The following STK32A variants were observed in gnomAD, a reference collection of about 807,000 sequenced individuals.
STK32A encodes serine/threonine-protein kinase 32A.
Under a neutral mutation model 53.2 loss-of-function variants are expected in STK32A, and 41 were observed. That is an observed-to-expected ratio of 0.77 (90% CI 0.60 to 1.00). The LOEUF (loss-of-function observed/expected upper bound fraction) is 1.00, where lower values mean the gene tolerates loss of function less well. Among genes scored for constraint, STK32A ranks in the 50% least tolerant of loss-of-function variants. STK32A has a pLI of 0.00. For missense variants in STK32A, 458 were observed against 485.8 expected (o/e 0.94, Z 0.54); for synonymous variants, 166 against 162.8 (o/e 1.02, Z -0.15).
rs966692061 is a variant in STK32A at position 147,283,924 on chromosome 5, A to G, written c.260+4526A>G. Among the ~76,000 whole-genome samples, 5 of 152,116 alleles carry G rather than the reference A, an allele frequency of 3.3e-5. 1 individual carries two copies. The highest frequency in any genetic ancestry group is 1.5e-5 in the Non-Finnish European group (1 of 67,968). ...GGAAACCTCCCTAATTCATCCTATG[A>G]AGCCAGCATCACCCTAATACCAAAA... On this transcript the variant is annotated intron_variant, in intron 4 of 12. Transcript: ENST00000397936.
intron 11 of STK32A, among the ~76,000 whole-genome samples, chr5:147,376,080 G>T (rs1190233127): frequency 6.6e-6 from 1 of 152,100 alleles, no homozygotes; most frequent in Non-Finnish European, 1.5e-5. Context: ...TATACTCAGT[G>T]CTGTCCCTTT....
intron 2 of STK32A, chr5:147,240,173 G>A (rs945563300): frequency 1.3e-5 from 2 of 152,462 alleles, no homozygotes; most frequent in African/African-American, 4.8e-5. Flanking sequence ...CAGTTGTATT[G>A]GAGAAAAGGG....
intron 4 of STK32A, among the ~76,000 whole-genome samples, chr5:147,299,309 A>G: frequency 6.6e-6 from 1 of 152,086 alleles, no homozygotes; most frequent in East Asian, 1.9e-4. Flanking sequence ...GAGGACGACC[A>G]GAGATCACTC....
chr5:147,271,916 A>G (rs1459646361), intron 2 of STK32A, among the ~76,000 whole-genome samples: 1 of 151,934 alleles, frequency 6.6e-6, no homozygotes, highest in East Asian at 1.9e-4. Flanking sequence ...TTGTGATTCT[A>G]TTACTTTGTG....
At chr5:147,346,735 G>A (rs1262392725) in intron 6 of STK32A, among the ~76,000 whole-genome samples, 1 of 152,094 alleles carries the variant, frequency 6.6e-6, no homozygotes, top group African/African-American at 2.4e-5. Flanking sequence ...CAATACCATA[G>A]TGTCTAAAAT....
At chr5:147,360,492 A>AAAG (rs1229781885) in intron 7 of STK32A, among the ~76,000 whole-genome samples, 1 of 151,084 alleles carries the variant, frequency 6.6e-6, no homozygotes, top group African/African-American at 2.4e-5. Context: ...AGAAAGAAAG[A>AAAG]AAGAAAAAAA....
chr5:147,288,688 C>T (rs919189862), intron 4 of STK32A, among the ~76,000 whole-genome samples: 8 of 152,044 alleles, frequency 5.3e-5, no homozygotes, highest in Admixed American at 4.6e-4. Flanking sequence ...ACCTCTATCA[C>T]GAGAACAGCA....
intron 2 of STK32A, among the ~76,000 whole-genome samples, chr5:147,253,502 A>G (rs1754091208): frequency 6.6e-6 from 1 of 152,110 alleles, no homozygotes; most frequent in Non-Finnish European, 1.5e-5. Flanking sequence ...TTCTGTACGC[A>G]CTACCACGCC....
At chr5:147,278,203 A>G in intron 3 of STK32A, 24 bp downstream of exon 3, 1 of 1,578,494 alleles carries the variant, frequency 6.3e-7, no homozygotes, top group Non-Finnish European at 8.6e-7. Context: ...GAAATGATTA[A>G]CCACCAGCAG....
At chr5:147,395,610 G>A in the STK32A span, 4 of 1,613,874 alleles carry the variant, frequency 2.5e-6, no homozygotes, top group Non-Finnish European at 3.4e-6. Flanking sequence ...GGGTTCGGCC[G>A]AGTAGGAGAG....
At chr5:147,314,498 CAAAAAAAACAAAAAAAAACA>C (rs749535869) in intron 4 of STK32A, among the ~76,000 whole-genome samples, 1 of 10,622 alleles carries the variant, frequency 9.4e-5, no homozygotes, top group East Asian at 1.4e-3. Context: ...AACTCCATAT[CAAAAAAAACAAAAAAAAACA>C]AAAAAAAACA....
chr5:147,277,872 T>C (rs13164710), intron 2 of STK32A, among the ~76,000 whole-genome samples: 8,796 of 152,270 alleles, frequency 0.058, 340 homozygotes, highest in Non-Finnish European at 0.089. Flanking sequence ...GGGCCCTCAC[T>C]TGACTACAGA....
At chr5:147,237,390 C>T (rs990515179) in intron 1 of STK32A, among the ~76,000 whole-genome samples, 3 of 152,128 alleles carry the variant, frequency 2.0e-5, no homozygotes, top group African/African-American at 2.4e-5. Flanking sequence ...CTTACACTAT[C>T]CCTCATTTGG....
At chr5:147,357,773 G>A (rs566340995) in intron 7 of STK32A, among the ~76,000 whole-genome samples, 1 of 152,092 alleles carries the variant, frequency 6.6e-6, no homozygotes, top group South Asian at 2.1e-4. Flanking sequence ...TGACTGAACG[G>A]ATGTGGCAAG....
At chr5:147,332,619 C>T (rs140093593) in intron 5 of STK32A, among the ~76,000 whole-genome samples, 25 of 152,048 alleles carry the variant, frequency 1.6e-4, no homozygotes, top group African/African-American at 5.8e-4. Context: ...AAGAAAATGC[C>T]CTTTCTTTTT....
At chr5:147,330,105 C>G (rs1294967839) in intron 5 of STK32A, among the ~76,000 whole-genome samples, 1 of 152,160 alleles carries the variant, frequency 6.6e-6, no homozygotes, top group African/African-American at 2.4e-5. Context: ...CTCGCAGTTT[C>G]TTTGGGACAG....
rs1282443811 is a variant in STK32A, at chr5:147,383,977, C to G, written c.1185C>G (p.Asn395Lys). ...AAGGTGAGGATGGTCAGAATAACAACTTGTAAAGGCCTCATGTCTTCTTCT... is the reference window on the plus strand; with the variant it reads ...AAGGTGAGGATGGTCAGAATAACAAGTTGTAAAGGCCTCATGTCTTCTTCT... ...DPQGEDGQNNNL is the reference protein window; with the variant it reads ...DPQGEDGQNNKL The change falls in exon 13 of 13, where the codon AAC (asparagine) becomes AAG (lysine). Residue 395 changes from asparagine (N) to lysine (K), a missense_variant. Physicochemically the swap from Asn to Lys is moderately conservative, Grantham distance 94. Transcript: ENST00000397936. 3 of 1,601,978 alleles carry G rather than the reference C, an allele frequency of 1.9e-6. No individual in the cohort carries two copies. Among genetic ancestry groups the G allele is most frequent in the Non-Finnish European group, 2.6e-6 (3 of 1,176,030 alleles).
chr5:147,378,524 T>C (rs546308218), intron 11 of STK32A, among the ~76,000 whole-genome samples: 1 of 152,208 alleles, frequency 6.6e-6, no homozygotes, highest in South Asian at 2.1e-4. Flanking sequence ...ACATACACCA[T>C]ATCAGTATCA....
intron 4 of STK32A, among the ~76,000 whole-genome samples, chr5:147,307,659 A>G (rs1364168985): frequency 6.7e-6 from 1 of 149,394 alleles, no homozygotes; most frequent in Non-Finnish European, 1.5e-5. Flanking sequence ...ATCTTTGCCT[A>G]TGCCAACGTG....
Sources: allele counts gnomAD v4.1 joint callset (sites outside exome capture counted in the v4.1 genomes callset), GRCh38; gene constraint gnomAD v4.1.1; transcripts MANE v1.5; gene names NCBI Gene and HGNC (gene_info 2026-07-23, HGNC 2026-07-21).